The following NLGN1 variants were observed in gnomAD, a reference collection of about 807,000 sequenced individuals.
NLGN1 encodes the protein neuroligin-1.
In NLGN1, 12 loss-of-function variants were observed where a neutral mutation model predicts 65.5. The observed-to-expected ratio is 0.18, with a 90% CI of 0.12 to 0.30. NLGN1 has a LOEUF of 0.30. NLGN1 is among the 10% of genes least tolerant of loss of function. NLGN1 has a pLI of 1.00. For synonymous variants in NLGN1, 350 were observed against 359.5 expected (o/e 0.97, Z 0.30); for missense variants, 750 against 1,007.1 (o/e 0.74, Z 3.46).
chr3:173,784,426 A>C (rs1781633991), intron 3 of NLGN1, among the ~76,000 whole-genome samples: 1 of 152,142 alleles, frequency 6.6e-6, no homozygotes, highest in South Asian at 2.1e-4. Context: ...CTCCTCTCCC[A>C]CAGGCATGCT....
At chr3:173,781,263 G>A (rs143921791) in intron 3 of NLGN1, among the ~76,000 whole-genome samples, 25 of 151,736 alleles carry the variant, frequency 1.6e-4, no homozygotes, top group Non-Finnish European at 2.8e-4. Flanking sequence ...ATAGTTTATT[G>A]GATATCCTTC....
intron 2 of NLGN1, among the ~76,000 whole-genome samples, chr3:173,532,156 CT>C (rs1344857126): frequency 1.3e-5 from 2 of 152,094 alleles, no homozygotes; most frequent in Non-Finnish European, 2.9e-5. Context: ...CTGTTCTTGT[CT>C]TTCTTTCACT....
At chr3:174,243,222 T>A (rs1487974076) in intron 4 of NLGN1, among the ~76,000 whole-genome samples, 1 of 152,212 alleles carries the variant, frequency 6.6e-6, no homozygotes, top group East Asian at 1.9e-4. Context: ...CTTTGCCTAT[T>A]GCTTTGATAA....
intron 4 of NLGN1, among the ~76,000 whole-genome samples, chr3:174,218,733 A>C (rs887960456): frequency 6.6e-6 from 1 of 152,058 alleles, no homozygotes; most frequent in Non-Finnish European, 1.5e-5. Context: ...TAAGTAAGCT[A>C]TATTTATCAA....
intron 4 of NLGN1, among the ~76,000 whole-genome samples, chr3:174,130,938 C>A (rs765339012): frequency 3.9e-5 from 6 of 151,920 alleles, no homozygotes; most frequent in Admixed American, 6.6e-5. Flanking sequence ...CTCACAGTGA[C>A]AATAAAAAAA....
At chr3:173,474,510 ATTAT>A (rs1725854694) in intron 2 of NLGN1, among the ~76,000 whole-genome samples, 1 of 152,334 alleles carries the variant, frequency 6.6e-6, no homozygotes, top group African/African-American at 2.4e-5. Context: ...AATGTTCAAA[ATTAT>A]TTATGAGAAA....
chr3:174,276,185 G>A (rs1352453993), intron 5 of NLGN1, among the ~76,000 whole-genome samples: 1 of 151,770 alleles, frequency 6.6e-6, no homozygotes, highest in African/African-American at 2.4e-5. Context: ...ATGGAGTATT[G>A]AGGCTGCTGA....
chr3:173,946,161 A>G (rs1220753085), intron 4 of NLGN1, among the ~76,000 whole-genome samples: 1 of 152,198 alleles, frequency 6.6e-6, no homozygotes, highest in East Asian at 1.9e-4. Context: ...ATTTTTTTCT[A>G]ATAAAAGAAG....
chr3:173,443,538 G>A (rs1398420143), intron 2 of NLGN1, among the ~76,000 whole-genome samples: 1 of 151,950 alleles, frequency 6.6e-6, no homozygotes, highest in Non-Finnish European at 1.5e-5. Flanking sequence ...CATATATATT[G>A]TATGTGCAGT....
At chr3:173,516,623 C>T (rs1353248678) in intron 2 of NLGN1, among the ~76,000 whole-genome samples, 1 of 152,044 alleles carries the variant, frequency 6.6e-6, no homozygotes, top group Admixed American at 6.6e-5. Context: ...CCTCTAAAAC[C>T]CTTCAGTGGC....
chr3:174,146,451 T>A (rs1723292967), intron 4 of NLGN1, among the ~76,000 whole-genome samples: 1 of 152,148 alleles, frequency 6.6e-6, no homozygotes, highest in African/African-American at 2.4e-5. Context: ...TAATAACTGC[T>A]CAATAAATGT....
intron 4 of NLGN1, among the ~76,000 whole-genome samples, chr3:173,925,446 C>T (rs111406076): frequency 6.6e-6 from 1 of 152,108 alleles, no homozygotes; most frequent in Non-Finnish European, 1.5e-5. Flanking sequence ...TTTTATTTCA[C>T]CAATTCAGAA....
intron 3 of NLGN1, among the ~76,000 whole-genome samples, chr3:173,698,982 G>C (rs953999108): frequency 6.6e-6 from 1 of 151,978 alleles, no homozygotes; most frequent in Non-Finnish European, 1.5e-5. Flanking sequence ...TCAGCCTCCC[G>C]AGTAGCTGGG....
intron 3 of NLGN1, among the ~76,000 whole-genome samples, chr3:173,768,877 A>G (rs1262120114): frequency 6.6e-6 from 1 of 151,948 alleles, no homozygotes; most frequent in Non-Finnish European, 1.5e-5. Context: ...GCTCAAGTCA[A>G]GCTATCATTC....
At chr3:174,027,953 T>A (rs2152468235) in intron 4 of NLGN1, among the ~76,000 whole-genome samples, 1 of 152,286 alleles carries the variant, frequency 6.6e-6, no homozygotes, top group South Asian at 2.1e-4. Flanking sequence ...TCCCCCATAC[T>A]GTTCTCATGT....
intron 4 of NLGN1, among the ~76,000 whole-genome samples, chr3:174,272,762 T>C (rs1749706329): frequency 6.6e-6 from 1 of 151,480 alleles, no homozygotes; most frequent in South Asian, 2.1e-4. Context: ...TGAAATACAC[T>C]AGAATCAGGA....
At chr3:173,993,063 T>C (rs1363501908) in intron 4 of NLGN1, among the ~76,000 whole-genome samples, 1 of 152,240 alleles carries the variant, frequency 6.6e-6, no homozygotes, top group African/African-American at 2.4e-5. Flanking sequence ...CTCCTGTTTC[T>C]TGTTAAAATA....
intron 3 of NLGN1, among the ~76,000 whole-genome samples, chr3:173,802,629 G>A (rs760948192): frequency 7.2e-5 from 11 of 151,928 alleles, no homozygotes; most frequent in Admixed American, 3.3e-4. Context: ...ATGTTGACTC[G>A]ACATCACTGG....
At chr3:174,108,529 A>G (rs952885880) in intron 4 of NLGN1, among the ~76,000 whole-genome samples, 1 of 152,070 alleles carries the variant, frequency 6.6e-6, no homozygotes, top group Admixed American at 6.6e-5. Context: ...AAGAAAAAAA[A>G]TTATTCAGGA....
Sources: gnomAD v4.1 joint callset for allele counts (sites outside exome capture counted in the v4.1 genomes callset) on GRCh38, gnomAD v4.1.1 for gene constraint, MANE v1.5 for transcripts, NCBI Gene and HGNC (gene_info 2026-07-23, HGNC 2026-07-21) for gene names.